PCDHGB1: variants seen among roughly 807,000 people sequenced by gnomAD.
PCDHGB1 encodes protocadherin gamma subfamily B, 1, also known as protocadherin gamma-B1.
PCDHGB1 carries 34 observed loss-of-function variants against 56.6 expected under a neutral mutation model. The observed-to-expected ratio is 0.60, with a 90% CI of 0.46 to 0.80. The LOEUF (loss-of-function observed/expected upper bound fraction) is 0.80, where lower values mean the gene tolerates loss of function less well. PCDHGB1 is among the 30% of genes least tolerant of loss of function. The pLI is 0.00. For synonymous variants in PCDHGB1, 561 were observed against 505.9 expected (o/e 1.11, Z -1.46); for missense variants, 1,278 against 1,204.6 (o/e 1.06, Z -0.90).
chr5:141,377,395 C>T (rs1468880998), intron 1 of PCDHGB1: 1 of 151,984 alleles, frequency 6.6e-6, no homozygotes, highest in Non-Finnish European at 1.5e-5. Context: ...CCCTTGAGAC[C>T]AGGAGTTTGA....
intron 1 of PCDHGB1, chr5:141,423,349 T>A (rs2096733716): frequency 6.2e-7 from 1 of 1,614,196 alleles, no homozygotes; most frequent in East Asian, 2.2e-5. Context: ...CTTCCTGGTC[T>A]TTGTCATCGT....
At chr5:141,384,149 T>G (rs1361199282) in intron 1 of PCDHGB1, 1 of 1,613,252 alleles carries the variant, frequency 6.2e-7, no homozygotes, top group Non-Finnish European at 8.5e-7. Flanking sequence ...ACACTCTCTT[T>G]GTATAACATC....
At chr5:141,414,570 C>T in intron 1 of PCDHGB1, 1 of 1,613,980 alleles carries the variant, frequency 6.2e-7, no homozygotes. Context: ...TTACCTATAT[C>T]CCAGAGAACA....
rs1008039711 is a variant in PCDHGB1 at position 141,394,856 on chromosome 5, G to C, written c.2409+42187G>C. 4 of 1,613,674 alleles carry C rather than the reference G, an allele frequency of 2.5e-6. No individual in the cohort carries two copies. In the African/African-American group the frequency reaches 5.3e-5, roughly 22 times the overall value. On this transcript the variant is annotated intron_variant, in intron 1 of 3. Coordinates refer to ENST00000523390, the MANE Select transcript of PCDHGB1 (RefSeq NM_018922.3). ...CCGAGTTGGGCAGTCTGAAGCCTTC[G>C]GTCGACCCGAACGATTCGAGCCTTA... is the stretch of plus-strand genomic sequence containing the variant.
intron 1 of PCDHGB1, among the ~76,000 whole-genome samples, chr5:141,492,539 G>A (rs1474928199): frequency 1.3e-5 from 2 of 152,200 alleles, no homozygotes; most frequent in African/African-American, 2.4e-5. Context: ...GCCCCGGGCT[G>A]GGCCGGGTCG....
intron 1 of PCDHGB1, chr5:141,367,674 T>C (rs1765283740): frequency 6.6e-6 from 1 of 152,182 alleles, no homozygotes. Context: ...TGTGGGCTTG[T>C]TGAGAGAAGA....
chr5:141,422,790 C>G, intron 1 of PCDHGB1: 1 of 1,614,060 alleles, frequency 6.2e-7, no homozygotes, highest in South Asian at 1.1e-5. Context: ...TACAATCCTT[C>G]GACTATGAGC....
intron 2 of PCDHGB1, 57 bp downstream of exon 2, chr5:141,494,922 C>G: frequency 6.2e-7 from 1 of 1,613,670 alleles, no homozygotes; most frequent in Admixed American, 1.7e-5. Context: ...TCAGGGATGA[C>G]GTGGGAGGAG....
chr5:141,368,145 T>C (rs1461482681), intron 1 of PCDHGB1, among the ~76,000 whole-genome samples: 1 of 152,222 alleles, frequency 6.6e-6, no homozygotes, highest in African/African-American at 2.4e-5. Context: ...AATTTTGTAC[T>C]TTTAAAACCT....
intron 2 of PCDHGB1, 105 bp downstream of exon 2, chr5:141,494,970 C>T (rs1352514628): frequency 1.9e-6 from 3 of 1,584,974 alleles, no homozygotes; most frequent in East Asian, 4.6e-5. Context: ...GATGGCTTCT[C>T]CCTCAGTTTG....
chr5:141,374,433 A>T, intron 1 of PCDHGB1: 1 of 1,613,990 alleles, frequency 6.2e-7, no homozygotes. Flanking sequence ...CTGAATCTTT[A>T]TCCCGTGGAA....
At chr5:141,499,625 C>A (rs1238895570) in intron 2 of PCDHGB1, among the ~76,000 whole-genome samples, 1 of 149,832 alleles carries the variant, frequency 6.7e-6, no homozygotes, top group East Asian at 2.0e-4. Flanking sequence ...TCCTTGGATT[C>A]TTTTGAAGCA....
chr5:141,488,681 C>G, intron 1 of PCDHGB1, among the ~76,000 whole-genome samples: 1 of 152,204 alleles, frequency 6.6e-6, no homozygotes, highest in East Asian at 1.9e-4. Flanking sequence ...GGCTTTGCCT[C>G]TCCCAGAAGG....
rs1191643556 is a variant in PCDHGB1 at position 141,486,302 on chromosome 5, C to A, written c.2410-8505C>A. On this transcript the variant is annotated intron_variant, in intron 1 of 3. Transcript: ENST00000523390. The surrounding 1 kb of genome is among the most constrained non-coding windows in gnomAD (Gnocchi z 5.0). ...GGTGGCACTTATCAGTGTGCAGGAT[C>A]CAGACTCAGGGTCAAACGGAGATGT... The A allele has an allele frequency of 6.2e-7, 1 of 1,614,036 alleles. No individual in the cohort carries two copies. The highest frequency in any genetic ancestry group is 8.5e-7 in the Non-Finnish European group (1 of 1,179,994).
At chr5:141,468,487 G>A (rs945439990) in intron 1 of PCDHGB1, 6 of 152,110 alleles carry the variant, frequency 3.9e-5, no homozygotes, top group African/African-American at 1.4e-4. Context: ...TAGGTCTCAT[G>A]GAAGATTTTC....
chr5:141,356,122 G>T (rs1760114897), intron 1 of PCDHGB1: 2 of 1,613,886 alleles, frequency 1.2e-6, no homozygotes, highest in Non-Finnish European at 1.7e-6. Flanking sequence ...GGGGGGTCTA[G>T]ATTATGAGGA....
chr5:141,377,234 A>G (rs930126053), intron 1 of PCDHGB1: 14 of 152,160 alleles, frequency 9.2e-5, no homozygotes, highest in African/African-American at 3.1e-4. Flanking sequence ...TTTTCCTACT[A>G]TGTGACATTT....
chr5:141,355,440 C>T (rs1422481246), intron 1 of PCDHGB1: 1 of 1,614,130 alleles, frequency 6.2e-7, no homozygotes. Flanking sequence ...TGAACCCGCG[C>T]AGCGGCACCT....
chr5:141,413,651 C>T (rs377135032), intron 1 of PCDHGB1: 16 of 1,613,658 alleles, frequency 9.9e-6, no homozygotes, highest in Non-Finnish European at 8.5e-6. Context: ...TTTCCTCTCC[C>T]GGAAGCTATT....
Sources: gnomAD v4.1 joint callset for allele counts (sites outside exome capture counted in the v4.1 genomes callset) on GRCh38, gnomAD v4.1.1 for gene constraint, Gnocchi (gnomAD v3.1) non-coding constraint, MANE v1.5 for transcripts, NCBI Gene and HGNC (gene_info 2026-07-23, HGNC 2026-07-21) for gene names.